Variants in PRKCQ observed in about 807,000 individuals in gnomAD.
The protein encoded by PRKCQ is protein kinase C theta.
PRKCQ carries 41 observed loss-of-function variants against 91.2 expected under a neutral mutation model. The observed-to-expected ratio is 0.45, with a 90% CI of 0.35 to 0.58. PRKCQ has a LOEUF of 0.58. Among genes scored for constraint, PRKCQ ranks in the 20% least tolerant of loss-of-function variants. The pLI, the probability that PRKCQ is intolerant of heterozygous loss-of-function variation, is 0.00. For missense variants in PRKCQ, 673 were observed against 896.5 expected (o/e 0.75, Z 3.18); for synonymous variants, 307 against 316.9 (o/e 0.97, Z 0.33).
chr10:6,415,435 T>C, the PRKCQ span, among the ~76,000 whole-genome samples: 34 of 125,554 alleles, frequency 2.7e-4, no homozygotes, highest in Admixed American at 6.1e-4. Flanking sequence ...TATATATATA[T>C]ATATATATAT....
At chr10:6,535,921 C>T (rs1839567176) in intron 1 of PRKCQ, among the ~76,000 whole-genome samples, 1 of 152,216 alleles carries the variant, frequency 6.6e-6, no homozygotes. Flanking sequence ...CAGCCTCCCA[C>T]ATGGAGTTCT....
At position 6,562,562 on chromosome 10, in the gene PRKCQ, T is replaced by C. The variant is rs1840676066; in HGVS notation, c.-10+17649A>G. Among the ~76,000 whole-genome samples, 3 of 152,114 alleles carry C rather than the reference T, an allele frequency of 2.0e-5. No homozygotes were observed. In the South Asian group the frequency reaches 6.2e-4, roughly 31 times the overall value. ...AAAACAAGGAAATAGCCCCAAACAGTAATTGAGATATAAAGGGAGAAGGAA... is the reference window on the plus strand; with the variant it reads ...AAAACAAGGAAATAGCCCCAAACAGCAATTGAGATATAAAGGGAGAAGGAA... On this transcript the variant is annotated intron_variant, in intron 1 of 17. Transcript: ENST00000263125.
intron 1 of PRKCQ, among the ~76,000 whole-genome samples, chr10:6,533,851 C>T (rs938141287): frequency 6.6e-6 from 1 of 152,114 alleles, no homozygotes; most frequent in Non-Finnish European, 1.5e-5. Context: ...TAATATAATA[C>T]TAAATTCAGA....
chr10:6,521,405 C>G (rs765384578), intron 1 of PRKCQ, among the ~76,000 whole-genome samples: 15 of 152,154 alleles, frequency 9.9e-5, no homozygotes, highest in African/African-American at 3.6e-4. Flanking sequence ...AACAAAAGAT[C>G]GATGCCCTCA....
At chr10:6,568,967 T>C (rs1840938352) in intron 1 of PRKCQ, among the ~76,000 whole-genome samples, 1 of 152,108 alleles carries the variant, frequency 6.6e-6, no homozygotes, top group South Asian at 2.1e-4. Context: ...TGATTTCTGG[T>C]AGAATTTATC....
At chr10:6,557,041 T>G (rs765540795) in intron 1 of PRKCQ, among the ~76,000 whole-genome samples, 1 of 152,166 alleles carries the variant, frequency 6.6e-6, no homozygotes, top group African/African-American at 2.4e-5. Context: ...CCCCTTGCCA[T>G]TCTTGTGATT....
chr10:6,471,594 A>G (rs539884388), intron 12 of PRKCQ, among the ~76,000 whole-genome samples: 2 of 152,088 alleles, frequency 1.3e-5, no homozygotes, highest in African/African-American at 4.8e-5. Context: ...ATACCAAGAA[A>G]AAAAAATTAG....
At chr10:6,516,418 T>C (rs141260192) in intron 1 of PRKCQ, among the ~76,000 whole-genome samples, 54 of 152,334 alleles carry the variant, frequency 3.5e-4, no homozygotes, top group African/African-American at 1.3e-3. Flanking sequence ...TCCGTATCTG[T>C]CACGTTGCTG....
chr10:6,551,235 A>G (rs1394060265), intron 1 of PRKCQ, among the ~76,000 whole-genome samples: 1 of 152,082 alleles, frequency 6.6e-6, no homozygotes, highest in Non-Finnish European at 1.5e-5. Flanking sequence ...GCTCCCACTT[A>G]TAAGTGAGAA....
chr10:6,405,012 G>T, the PRKCQ span, among the ~76,000 whole-genome samples: 2 of 145,558 alleles, frequency 1.4e-5, no homozygotes, highest in Non-Finnish European at 1.5e-5. Context: ...CTGACATGGG[G>T]TCTCACTCTG....
chr10:6,415,030 T>G, the PRKCQ span, among the ~76,000 whole-genome samples: 1 of 152,048 alleles, frequency 6.6e-6, no homozygotes, highest in African/African-American at 2.4e-5. Context: ...TGGTGCAATC[T>G]CCACTCACTG....
At chr10:6,407,586 TGTG>T in the PRKCQ span, among the ~76,000 whole-genome samples, 10 of 150,100 alleles carry the variant, frequency 6.7e-5, no homozygotes, top group African/African-American at 2.4e-4. This position sits in a 1 kb window ranked among gnomAD's most constrained non-coding sequence, Gnocchi z 4.0. Flanking sequence ...TGTGATTGTG[TGTG>T]GTATGTGCAT....
chr10:6,446,429 G>A (rs1020972681), intron 15 of PRKCQ, among the ~76,000 whole-genome samples: 5 of 143,976 alleles, frequency 3.5e-5, no homozygotes, highest in Admixed American at 1.4e-4. Context: ...GCAGTGGCGC[G>A]ATCTCAGCTC....
At chr10:6,504,389 G>A (rs1838076562) in intron 4 of PRKCQ, among the ~76,000 whole-genome samples, 1 of 152,168 alleles carries the variant, frequency 6.6e-6, no homozygotes, top group Non-Finnish European at 1.5e-5. Flanking sequence ...TCTTCATTCT[G>A]GTTTCAGCAG....
intron 3 of PRKCQ, among the ~76,000 whole-genome samples, chr10:6,509,403 A>G (rs1459571485): frequency 6.6e-6 from 1 of 152,224 alleles, no homozygotes; most frequent in African/African-American, 2.4e-5. Context: ...CTCTTTAAAA[A>G]AAAAATTAGG....
chr10:6,431,395 T>G (rs1330407121), intron 16 of PRKCQ, among the ~76,000 whole-genome samples: 4 of 152,094 alleles, frequency 2.6e-5, no homozygotes, highest in Non-Finnish European at 4.4e-5. Context: ...CTGGCACACA[T>G]GCACATAAAT....
chr10:6,521,338 TGACA>T (rs1418898148), intron 1 of PRKCQ, among the ~76,000 whole-genome samples: 2 of 152,196 alleles, frequency 1.3e-5, no homozygotes, highest in African/African-American at 4.8e-5. Flanking sequence ...TCAAATTAAG[TGACA>T]GACAATTACA....
At chr10:6,458,704 T>C (rs1835159306) in intron 14 of PRKCQ, among the ~76,000 whole-genome samples, 2 of 152,278 alleles carry the variant, frequency 1.3e-5, no homozygotes, top group Non-Finnish European at 2.9e-5. Flanking sequence ...ACAGGGACCA[T>C]GACACTTGCC....
At position 6,430,508 on chromosome 10, in the gene PRKCQ, C is replaced by G. The variant is rs1040014903; in HGVS notation, c.1965+302G>C. Among the ~76,000 whole-genome samples, 6 of 152,214 alleles carry G rather than the reference C, an allele frequency of 3.9e-5. No homozygotes were observed. The highest frequency in any genetic ancestry group is 8.8e-5 in the Non-Finnish European group (6 of 68,040). ...TATGTGTCATGTGCACAACCCCCAT[C>G]TTGTTTAATAGTCACCCTCACAAAT... On this transcript the variant is annotated intron_variant, in intron 17 of 17. Coordinates refer to ENST00000263125, the MANE Select transcript of PRKCQ (RefSeq NM_006257.5). The surrounding 1 kb of genome is among the most constrained non-coding windows in gnomAD (Gnocchi z 4.7).
Sources: gnomAD v4.1 joint callset for allele counts (sites outside exome capture counted in the v4.1 genomes callset) on GRCh38, gnomAD v4.1.1 for gene constraint, Gnocchi (gnomAD v3.1) non-coding constraint, MANE v1.5 for transcripts, NCBI Gene and HGNC (gene_info 2026-07-23, HGNC 2026-07-21) for gene names.